Variants in ZNF131 observed in about 807,000 individuals in gnomAD.
ZNF131 encodes zinc finger protein 131.
Under a neutral mutation model 60.0 loss-of-function variants are expected in ZNF131, and 7 were observed. The observed-to-expected ratio is 0.12, with a 90% confidence interval of 0.07 to 0.22. The LOEUF (loss-of-function observed/expected upper bound fraction) is 0.22. Ranked by LOEUF, ZNF131 falls within the 10% of genes least tolerant of loss-of-function variation. The probability of loss-of-function intolerance (pLI) is 1.00; values close to 1 mark genes in which losing one functional copy is unlikely to be tolerated. For missense variants in ZNF131, 493 were observed against 740.9 expected (o/e 0.67, Z 3.88); for synonymous variants, 257 against 253.2 (o/e 1.01, Z -0.14).
At chr5:43,143,433 T>G in intron 4 of ZNF131, 1 of 1,434,618 alleles carries the variant, frequency 7.0e-7, no homozygotes, top group Non-Finnish European at 9.1e-7. Context: ...TTCTCCACTG[T>G]TGCAAGTTTA....
chr5:43,139,594 T>C (rs567023376), intron 4 of ZNF131, among the ~76,000 whole-genome samples: 105 of 152,346 alleles, frequency 6.9e-4, no homozygotes, highest in Non-Finnish European at 1.3e-3. Context: ...TAAACTGTTT[T>C]GTTGGATTCA....
At chr5:43,134,626 C>G (rs1462932239) in intron 3 of ZNF131, among the ~76,000 whole-genome samples, 2 of 150,510 alleles carry the variant, frequency 1.3e-5, no homozygotes, top group Non-Finnish European at 3.0e-5. Context: ...ACTACTAGAA[C>G]TAATAAATTT....
chr5:43,139,128 A>G (rs770353076), intron 3 of ZNF131, 37 bp from the exon 4 acceptor site: 11 of 1,461,262 alleles, frequency 7.5e-6, no homozygotes, highest in South Asian at 1.6e-5. Flanking sequence ...ATTTGAGTCA[A>G]TATGATTACA....
chr5:43,141,314 C>T (rs1746793911), intron 4 of ZNF131, among the ~76,000 whole-genome samples: 1 of 152,100 alleles, frequency 6.6e-6, no homozygotes, highest in South Asian at 2.1e-4. Flanking sequence ...TAAACCTGAT[C>T]AGGCCATCTC....
chr5:43,167,738 C>T (rs1750536984), intron 5 of ZNF131, among the ~76,000 whole-genome samples: 1 of 152,126 alleles, frequency 6.6e-6, no homozygotes, highest in African/African-American at 2.4e-5. Flanking sequence ...GATATGCTGG[C>T]AGGGGACAAG....
chr5:43,144,106 T>C (rs1462706202), intron 4 of ZNF131, among the ~76,000 whole-genome samples: 1 of 150,626 alleles, frequency 6.6e-6, no homozygotes, highest in Non-Finnish European at 1.5e-5. Context: ...GTATTTTTAG[T>C]AGGGACGAGA....
chr5:43,175,025 C>T lies in ZNF131; in HGVS notation c.1764C>T (p.Ala588=). 6.2e-7 allele frequency: 1 copy of T among 1,614,072 alleles called. No individual in the cohort carries two copies. Among genetic ancestry groups the T allele is most frequent in the Non-Finnish European group, 8.5e-7 (1 of 1,180,016 alleles). The change falls in exon 7 of 7, where the codon GCC becomes GCT. Residue 588 remains alanine (A), a synonymous_variant. Coordinates refer to ENST00000682664, the MANE Select transcript of ZNF131 (RefSeq NM_001330707.2). ...GCCAAGCAGATGCTGCTGAGGCTGC[C>T]AGGGAAGATCACGAAGATGCTGAGG... ...ESSQADAAEA[A]REDHEDAEDL... is the part of the protein sequence containing the mutation.
At chr5:43,174,397 C>T (rs1328468341) in intron 6 of ZNF131, 50 bp from the exon 7 acceptor site, 4 of 1,434,616 alleles carry the variant, frequency 2.8e-6, no homozygotes, top group East Asian at 4.8e-5. Flanking sequence ...TTCATATTTC[C>T]TTCAGTTTGG....
chr5:43,125,058 A>G (rs910537148), intron 3 of ZNF131: 1 of 151,854 alleles, frequency 6.6e-6, no homozygotes, highest in Admixed American at 6.6e-5. Flanking sequence ...TCAGTTTATC[A>G]TATTGAATAT....
chr5:43,121,769 C>T (rs1743857463), intron 1 of ZNF131: 4 of 234,412 alleles, frequency 1.7e-5, no homozygotes, highest in Admixed American at 5.7e-5. Context: ...CGCCCTGGCG[C>T]TCGGAACCTC....
intron 4 of ZNF131, among the ~76,000 whole-genome samples, chr5:43,146,270 C>T (rs572331734): frequency 1.3e-5 from 2 of 152,164 alleles, no homozygotes; most frequent in African/African-American, 4.8e-5. Flanking sequence ...TTTTGCTTTG[C>T]TGACATTACA....
chr5:43,168,119 G>T (rs1750583190), intron 5 of ZNF131: 1 of 337,848 alleles, frequency 3.0e-6, no homozygotes, highest in Non-Finnish European at 5.9e-6. Context: ...TTAATTCATT[G>T]ATCCATGAAT....
At chr5:43,130,132 C>T (rs1269323420) in intron 3 of ZNF131, among the ~76,000 whole-genome samples, 2 of 151,166 alleles carry the variant, frequency 1.3e-5, no homozygotes, top group African/African-American at 4.8e-5. Context: ...GACATGGCAG[C>T]GCGTGCCTGT....
chr5:43,139,362 C>T (rs994280469), intron 4 of ZNF131, 53 bp downstream of exon 4: 1 of 1,462,610 alleles, frequency 6.8e-7, no homozygotes, highest in Non-Finnish European at 9.1e-7. Context: ...CATGTTCATT[C>T]TGTTAGTGAA....
At chr5:43,164,763 G>T (rs1750141801) in intron 5 of ZNF131, among the ~76,000 whole-genome samples, 1 of 152,104 alleles carries the variant, frequency 6.6e-6, no homozygotes, top group Non-Finnish European at 1.5e-5. Flanking sequence ...GTATGTCTTT[G>T]TCTTTCCCTT....
chr5:43,123,445 AGG>A, intron 3 of ZNF131, 135 bp downstream of exon 3: 3 of 625,634 alleles, frequency 4.8e-6, no homozygotes, highest in Non-Finnish European at 5.2e-6. Flanking sequence ...CATAGGAAAT[AGG>A]CATCAGTAGT....
At chr5:43,162,673 G>T (rs1352353963) in intron 5 of ZNF131, among the ~76,000 whole-genome samples, 1 of 151,420 alleles carries the variant, frequency 6.6e-6, no homozygotes, top group Non-Finnish European at 1.5e-5. Flanking sequence ...GGAGGCCGAG[G>T]CGGGTGGATA....
At position 43,122,162 on chromosome 5, in the gene ZNF131, A is replaced by C. The variant is rs1579684442; in HGVS notation, c.109A>C (p.Thr37Pro). The C allele has an allele frequency of 6.2e-7, 1 of 1,608,388 alleles. No homozygotes were observed. The highest frequency in any genetic ancestry group is 1.4e-5 in the African/African-American group (1 of 72,746). Residue 37 changes from threonine to proline, a missense_variant, in exon 2 of 7, where the codon ACC becomes CCC. Thr to Pro is a conservative substitution (Grantham distance 38, BLOSUM62 -1). This residue lies in a region of ZNF131 where 66 missense variants were observed against 148.0 expected (regional missense o/e 0.45). Transcript: ENST00000682664. ...AGAGCAGGACCGGTTTACTGACATCACCCTAATTGTCGACGGTGGGTAGGG... is the reference window on the plus strand; with the variant it reads ...AGAGCAGGACCGGTTTACTGACATCCCCCTAATTGTCGACGGTGGGTAGGG... ...QREQDRFTDI[T>P]LIVDGHHFKA...
At chr5:43,144,562 C>T (rs1328858770) in intron 4 of ZNF131, among the ~76,000 whole-genome samples, 1 of 152,068 alleles carries the variant, frequency 6.6e-6, no homozygotes, top group Non-Finnish European at 1.5e-5. Flanking sequence ...CTATGAACAT[C>T]TCATTCTCCA....
Sources: gnomAD v4.1 joint callset for allele counts (sites outside exome capture counted in the v4.1 genomes callset) on GRCh38, gnomAD v4.1.1 for gene constraint, gnomAD v4.1.1 regional missense constraint, MANE v1.5 for transcripts, NCBI Gene and HGNC (gene_info 2026-07-23, HGNC 2026-07-21) for gene names.